The following LRMDA variants were observed in gnomAD, a reference collection of about 807,000 sequenced individuals.
LRMDA encodes leucine-rich melanocyte differentiation-associated protein.
LRMDA carries 18 observed loss-of-function variants against 29.8 expected under a neutral mutation model. The ratio of observed to expected loss-of-function variants is 0.60; its 90% CI spans 0.42 to 0.90. LRMDA has a LOEUF of 0.90. Among genes scored for constraint, LRMDA ranks in the 40% least tolerant of loss-of-function variants. The pLI is 0.00. For missense variants in LRMDA, 273 were observed against 273.9 expected (o/e 1.00, Z 0.02); for synonymous variants, 125 against 109.4 (o/e 1.14, Z -0.89).
chr10:76,531,510 C>A (rs1381224702), intron 6 of LRMDA, among the ~76,000 whole-genome samples: 1 of 151,886 alleles, frequency 6.6e-6, no homozygotes, highest in Non-Finnish European at 1.5e-5. Context: ...TTTATGAGTG[C>A]TGAATTTTGT....
chr10:75,747,147 A>G (rs984841678), intron 2 of LRMDA, among the ~76,000 whole-genome samples: 1 of 152,174 alleles, frequency 6.6e-6, no homozygotes, highest in Non-Finnish European at 1.5e-5. Context: ...TGAGAGTCTC[A>G]TGATAGCTAC....
intron 5 of LRMDA, among the ~76,000 whole-genome samples, chr10:76,084,376 T>C (rs1849100348): frequency 7.5e-6 from 1 of 133,108 alleles, no homozygotes. Flanking sequence ...TTTTTTTTTT[T>C]TTTTTTTTTT....
chr10:76,229,291 C>A (rs1005729007), intron 5 of LRMDA, among the ~76,000 whole-genome samples: 3 of 152,144 alleles, frequency 2.0e-5, no homozygotes, highest in Non-Finnish European at 4.4e-5. Flanking sequence ...TGCCCAATAA[C>A]CCCGTGAGAT....
chr10:75,642,169 G>A (rs902210714), intron 2 of LRMDA, among the ~76,000 whole-genome samples: 3 of 152,176 alleles, frequency 2.0e-5, no homozygotes, highest in African/African-American at 7.2e-5. Context: ...TTGGTGTGAG[G>A]CTCACGTGGA....
chr10:75,727,567 CTG>C (rs1842645248), intron 2 of LRMDA, among the ~76,000 whole-genome samples: 1 of 152,172 alleles, frequency 6.6e-6, no homozygotes, highest in Non-Finnish European at 1.5e-5. Flanking sequence ...TATACCTACA[CTG>C]TGTATATTTT....
At chr10:76,492,088 A>G (rs949795633) in intron 6 of LRMDA, among the ~76,000 whole-genome samples, 3 of 152,010 alleles carry the variant, frequency 2.0e-5, no homozygotes, top group Admixed American at 6.6e-5. Context: ...AAAATTCTGA[A>G]TTCCTTCTCT....
At chr10:76,530,058 A>G (rs1780748500) in intron 6 of LRMDA, among the ~76,000 whole-genome samples, 1 of 152,262 alleles carries the variant, frequency 6.6e-6, no homozygotes, top group East Asian at 1.9e-4. Context: ...CTCTTAGCCC[A>G]CTAATAGCAG....
chr10:76,266,815 A>T (rs867592636), intron 5 of LRMDA, among the ~76,000 whole-genome samples: 1 of 152,198 alleles, frequency 6.6e-6, no homozygotes, highest in South Asian at 2.1e-4. Flanking sequence ...ATGGATGACA[A>T]TTTGAAACTT....
chr10:75,745,844 C>G (rs2132214206), intron 2 of LRMDA, among the ~76,000 whole-genome samples: 1 of 152,300 alleles, frequency 6.6e-6, no homozygotes, highest in Non-Finnish European at 1.5e-5. Flanking sequence ...CCTTGACAGT[C>G]AAAACACTGG....
intron 2 of LRMDA, among the ~76,000 whole-genome samples, chr10:75,506,376 T>C (rs1845168450): frequency 6.6e-6 from 1 of 152,242 alleles, no homozygotes; most frequent in South Asian, 2.1e-4. Flanking sequence ...GCAGCAAAGC[T>C]GGGATTTCCA....
chr10:76,297,471 CT>C (rs1317388832), intron 5 of LRMDA, among the ~76,000 whole-genome samples: 1 of 152,186 alleles, frequency 6.6e-6, no homozygotes, highest in Non-Finnish European at 1.5e-5. Flanking sequence ...GATGGGCCTA[CT>C]TTTTTGGCCC....
At chr10:76,398,463 C>G (rs1841812962) in intron 6 of LRMDA, among the ~76,000 whole-genome samples, 2 of 152,186 alleles carry the variant, frequency 1.3e-5, no homozygotes, top group African/African-American at 4.8e-5. Context: ...CACTGTAAAA[C>G]TTGCCTAGTC....
At chr10:76,093,162 C>T (rs994510031) in intron 5 of LRMDA, among the ~76,000 whole-genome samples, 3 of 151,884 alleles carry the variant, frequency 2.0e-5, no homozygotes, top group South Asian at 2.1e-4. Context: ...CTCAGCCTCC[C>T]GAGTAGCTGG....
intron 2 of LRMDA, among the ~76,000 whole-genome samples, chr10:75,787,664 A>T (rs1843495254): frequency 6.6e-6 from 1 of 152,250 alleles, no homozygotes; most frequent in African/African-American, 2.4e-5. Context: ...CATTTTTATT[A>T]TAACAGATAC....
chr10:75,767,166 G>A (rs1336262969), intron 2 of LRMDA, among the ~76,000 whole-genome samples: 1 of 152,064 alleles, frequency 6.6e-6, no homozygotes, highest in Non-Finnish European at 1.5e-5. Flanking sequence ...CCCAGCAATG[G>A]GATTGCTGGG....
At chr10:76,441,412 C>T (rs923917913) in intron 6 of LRMDA, among the ~76,000 whole-genome samples, 2 of 152,100 alleles carry the variant, frequency 1.3e-5, no homozygotes, top group African/African-American at 4.8e-5. Flanking sequence ...TTCTATGTGC[C>T]ACGGTTATGT....
intron 6 of LRMDA, among the ~76,000 whole-genome samples, chr10:76,470,006 T>C (rs965835081): frequency 1.3e-5 from 2 of 151,922 alleles, no homozygotes; most frequent in Non-Finnish European, 2.9e-5. Context: ...TTAGAAACAA[T>C]GGAGACCAGA....
chr10:75,509,723 G>A (rs914624973), intron 2 of LRMDA, among the ~76,000 whole-genome samples: 1 of 152,162 alleles, frequency 6.6e-6, no homozygotes, highest in Non-Finnish European at 1.5e-5. Flanking sequence ...CTTTTGGTCA[G>A]GAGACACTGG....
At chr10:75,566,171 T>G in intron 2 of LRMDA, among the ~76,000 whole-genome samples, 1 of 152,220 alleles carries the variant, frequency 6.6e-6, no homozygotes, top group Admixed American at 6.5e-5. Flanking sequence ...CACAGCAGTA[T>G]CAATGCTTTC....
Sources: allele counts gnomAD v4.1 joint callset (sites outside exome capture counted in the v4.1 genomes callset), GRCh38; gene constraint gnomAD v4.1.1; transcripts MANE v1.5; gene names NCBI Gene and HGNC (gene_info 2026-07-23, HGNC 2026-07-21).